The following KIAA1549 variants were observed in gnomAD, a reference collection of about 807,000 sequenced individuals.
The protein encoded by KIAA1549 is UPF0606 protein KIAA1549.
Under a neutral mutation model 156.4 loss-of-function variants are expected in KIAA1549, and 70 were observed. That is an observed-to-expected ratio of 0.45 (90% confidence interval 0.37 to 0.55). The LOEUF is 0.55. Ranked by LOEUF, KIAA1549 falls within the 20% of genes least tolerant of loss-of-function variation. The probability of loss-of-function intolerance (pLI) is 0.00; values close to 1 mark genes in which losing one functional copy is unlikely to be tolerated. For missense variants in KIAA1549, 2,428 were observed against 2,540.9 expected (o/e 0.96, Z 0.96); for synonymous variants, 1,103 against 1,066.4 (o/e 1.03, Z -0.67).
chr7:138,918,227 C>A lies in KIAA1549; in HGVS notation c.1399G>T (p.Val467Phe), dbSNP rs61736034. The change falls in exon 2 of 20, where the codon GTC (valine) becomes TTC (phenylalanine). Residue 467 changes from valine to phenylalanine, a missense_variant. Physicochemically the swap from Val to Phe is conservative, Grantham distance 50. This residue lies in a region of KIAA1549 where 893 missense variants were observed against 847.9 expected (regional missense o/e 1.05). Coordinates refer to ENST00000422774, the MANE Select transcript of KIAA1549 (RefSeq NM_001164665.2). The surrounding 1 kb of genome is among the most constrained non-coding windows in gnomAD (Gnocchi z 4.2). The stretch of plus-strand genomic sequence containing the variant: ...TCAAATTCAGAGAAGTCTGCTACGA[C>A]GCTACTCATTAGAGAGATGCTGCTT... ...EESSISLMSS[V>F]VADFSEFEED... The A allele has an allele frequency of 1.2e-6, 2 of 1,613,894 alleles. No individual in the cohort carries two copies. The highest frequency in any genetic ancestry group is 1.7e-6 in the Non-Finnish European group (2 of 1,179,890).
chr7:138,924,437 G>GTT (rs2130493418), intron 1 of KIAA1549, among the ~76,000 whole-genome samples: 1 of 152,212 alleles, frequency 6.6e-6, no homozygotes, highest in South Asian at 2.1e-4. Context: ...AAGTGAACCG[G>GTT]AAGACTGCAA....
At chr7:138,851,756 T>C (rs1810240259) in intron 17 of KIAA1549, among the ~76,000 whole-genome samples, 1 of 152,138 alleles carries the variant, frequency 6.6e-6, no homozygotes, top group Non-Finnish European at 1.5e-5. Context: ...GAGCATAACC[T>C]CCAAACTCAA....
intron 1 of KIAA1549, among the ~76,000 whole-genome samples, chr7:138,955,862 A>C (rs1410355898): frequency 6.6e-6 from 1 of 152,176 alleles, no homozygotes; most frequent in Non-Finnish European, 1.5e-5. Context: ...GGGAATCAAC[A>C]TGCAGGGAAC....
At position 138,837,942 on chromosome 7, in the gene KIAA1549, G is replaced by C. The variant is rs1809783164; in HGVS notation, c.5817C>G (p.Ser1939=). 6.2e-7 allele frequency: 1 copy of C among 1,613,854 alleles called. No individual in the cohort carries two copies. The highest frequency in any genetic ancestry group is 8.5e-7 in the Non-Finnish European group (1 of 1,179,880). ...KAIREELLRL[S]QKQSTVQNFH... ...AGTTCTGCACGGTGCTCTGTTTCTG[G>C]GAGAGCCGGAGGAGCTCCTCGCGGA... Residue 1939 remains serine, a synonymous_variant, in exon 20 of 20, where the codon TCC becomes TCG. Transcript: ENST00000422774.
intron 10 of KIAA1549, among the ~76,000 whole-genome samples, chr7:138,892,266 A>T (rs1222494254): frequency 6.6e-6 from 1 of 152,204 alleles, no homozygotes; most frequent in Non-Finnish European, 1.5e-5. Flanking sequence ...GGAATATTCC[A>T]TTTTGACCCC....
At chr7:138,869,158 G>GTGAC (rs1810844993) in intron 14 of KIAA1549, among the ~76,000 whole-genome samples, 1 of 152,202 alleles carries the variant, frequency 6.6e-6, no homozygotes, top group Non-Finnish European at 1.5e-5. Flanking sequence ...GACAGAGTGG[G>GTGAC]AGGTGAGGAA....
chr7:138,932,770 C>G (rs1165617275), intron 1 of KIAA1549, among the ~76,000 whole-genome samples: 1 of 152,136 alleles, frequency 6.6e-6, no homozygotes, highest in Admixed American at 6.5e-5. Flanking sequence ...ATCTCAGGCC[C>G]ACTCAAGACC....
chr7:138,908,965 T>G (rs1305867421), intron 5 of KIAA1549, 26 bp downstream of exon 5: 1 of 1,613,134 alleles, frequency 6.2e-7, no homozygotes, highest in African/African-American at 1.3e-5. Context: ...TAAAGCCTTC[T>G]GCTCTGCATT....
intron 16 of KIAA1549, among the ~76,000 whole-genome samples, chr7:138,859,666 A>G (rs995006509): frequency 6.6e-6 from 1 of 152,116 alleles, no homozygotes; most frequent in African/African-American, 2.4e-5. Flanking sequence ...CCATGACTAG[A>G]AACTCCAGAT....
At position 138,917,231 on chromosome 7, in the gene KIAA1549, A is replaced by C; in HGVS notation, c.2395T>G (p.Leu799Val). 6.2e-7 allele frequency: 1 copy of C among 1,614,006 alleles called. No individual in the cohort carries two copies. Among genetic ancestry groups the C allele is most frequent in the Non-Finnish European group, 8.5e-7 (1 of 1,179,894 alleles). Residue 799 changes from leucine (L) to valine (V), a missense_variant, in exon 2 of 20, where the codon TTA (leucine) becomes GTA (valine). Physicochemically the swap from Leu to Val is conservative, Grantham distance 32. Transcript: ENST00000422774. ...PLTTVHTTPI[L>V]TESSLFSTLT... ...GTTGAGAACAAAGAAGACTCAGTTA[A>C]AATGGGCGTTGTGTGGACAGTGGTC...
chr7:138,869,324 A>C (rs1810850589), intron 14 of KIAA1549, among the ~76,000 whole-genome samples: 2 of 152,240 alleles, frequency 1.3e-5, no homozygotes, highest in East Asian at 1.9e-4. Context: ...TCCCACACTA[A>C]GGTGACCCTC....
rs778336268 is a variant in KIAA1549 at position 138,838,073 on chromosome 7, C to T, written c.5686G>A (p.Gly1896Arg). 13 of 1,590,254 alleles carry T rather than the reference C, an allele frequency of 8.2e-6. No individual in the cohort carries two copies. Among genetic ancestry groups the T allele is most frequent in the Admixed American group, 1.8e-5 (1 of 55,914 alleles). ...TSGREPSAPS[G>R]NLPHRGLQGP... ...TGCAGTCCCCGGTGGGGGAGGTTCCCGGAAGGAGCTGAGGGCTCCCTGCCT... is the reference window on the plus strand; with the variant it reads ...TGCAGTCCCCGGTGGGGGAGGTTCCTGGAAGGAGCTGAGGGCTCCCTGCCT... Residue 1896 changes from glycine to arginine, a missense_variant, in exon 20 of 20, where the codon GGG (glycine) becomes AGG (arginine). This residue lies in a region of KIAA1549 where 363 missense variants were observed against 354.0 expected (regional missense o/e 1.03). Coordinates refer to ENST00000422774, the MANE Select transcript of KIAA1549 (RefSeq NM_001164665.2).
chr7:138,957,857 T>A (rs1813714368), intron 1 of KIAA1549, among the ~76,000 whole-genome samples: 1 of 152,090 alleles, frequency 6.6e-6, no homozygotes, highest in Non-Finnish European at 1.5e-5. Context: ...TACTGTCCCT[T>A]ATTCTCTCTT....
At chr7:138,919,472 G>T in intron 1 of KIAA1549, 34 bp from the exon 2 acceptor site, 1 of 1,582,966 alleles carries the variant, frequency 6.3e-7, no homozygotes. Context: ...TTAGTGCAAT[G>T]CATTGGAAGT....
chr7:138,950,482 A>G (rs1274822113), intron 1 of KIAA1549, among the ~76,000 whole-genome samples: 1 of 152,150 alleles, frequency 6.6e-6, no homozygotes, highest in Non-Finnish European at 1.5e-5. Flanking sequence ...ATTCCTGAAG[A>G]GCTGTGTGAA....
In KIAA1549 at chr7:138,838,045, C is replaced by A; in HGVS notation, c.5714G>T (p.Gly1905Val). The change falls in exon 20 of 20, where the codon GGC becomes GTC. Residue 1905 changes from glycine to valine, a missense_variant. Around this residue, in one of 5 missense-constraint regions of KIAA1549, gnomAD observed 363 missense variants for 354.0 expected, o/e 1.03. Transcript: ENST00000422774. ...SGNLPHRGLQ[G>V]PGLGYPTSST... is the part of the protein sequence containing the mutation. ...GCTGGTGGGGTAACCCAGCCCAGGG[C>A]CCTGCAGTCCCCGGTGGGGGAGGTT... is the stretch of plus-strand genomic sequence containing the variant. 1 of 1,601,886 alleles carries A rather than the reference C, an allele frequency of 6.2e-7. No homozygotes were observed. Among genetic ancestry groups the A allele is most frequent in the Non-Finnish European group, 8.5e-7 (1 of 1,174,534 alleles).
intron 12 of KIAA1549, among the ~76,000 whole-genome samples, chr7:138,876,039 T>C (rs1172370516): frequency 6.6e-6 from 1 of 152,108 alleles, no homozygotes; most frequent in African/African-American, 2.4e-5. Context: ...TTTACTAATG[T>C]GCGCAACCCA....
intron 1 of KIAA1549, among the ~76,000 whole-genome samples, chr7:138,934,313 G>C (rs1443999211): frequency 1.3e-5 from 2 of 151,696 alleles, no homozygotes; most frequent in African/African-American, 4.8e-5. Flanking sequence ...GACTGAGAGA[G>C]TGAGTCCAGA....
chr7:138,844,633 G>T (rs115307932), intron 17 of KIAA1549, among the ~76,000 whole-genome samples, 159 bp from the exon 18 acceptor site: 2,572 of 152,246 alleles, frequency 0.017, 65 homozygotes, highest in African/African-American at 0.058. Context: ...CCTGCTCCCT[G>T]AGGGAAGGGA....
Sources: allele counts gnomAD v4.1 joint callset (sites outside exome capture counted in the v4.1 genomes callset), GRCh38; gene constraint gnomAD v4.1.1; regional missense constraint gnomAD v4.1.1; non-coding constraint Gnocchi (gnomAD v3.1); transcripts MANE v1.5; gene names NCBI Gene and HGNC (gene_info 2026-07-23, HGNC 2026-07-21).